ZNF521: variants seen among roughly 807,000 people sequenced by gnomAD.
ZNF521 encodes zinc finger protein 521.
Under a neutral mutation model 105.5 loss-of-function variants are expected in ZNF521, and 14 were observed. The ratio of observed to expected loss-of-function variants is 0.13; its 90% CI spans 0.09 to 0.21. The LOEUF (loss-of-function observed/expected upper bound fraction) is 0.21. Ranked by LOEUF, ZNF521 falls within the 10% of genes least tolerant of loss-of-function variation. The pLI, the probability that ZNF521 is intolerant of heterozygous loss-of-function variation, is 1.00. For synonymous variants in ZNF521, 635 were observed against 606.0 expected, an observed-to-expected ratio of 1.05 and a Z score of -0.70; for missense variants, 1,233 against 1,629.7, an observed-to-expected ratio of 0.76 and a Z score of 4.19.
At position 25,226,685 on chromosome 18, in the gene ZNF521, G is replaced by T. The variant is rs570875850; in HGVS notation, c.1233C>A (p.Asn411Lys). The T allele has an allele frequency of 1.9e-4, 306 of 1,614,060 alleles. No individual in the cohort carries two copies. The highest frequency in any genetic ancestry group is 2.5e-4 in the Non-Finnish European group (293 of 1,180,034). ...AKVTYSCIYC[N>K]KQLFSSLAVL... Reference sequence around the variant, plus strand: ...CTGCAAGACTTGAAAATAATTGTTTGTTGCAGTAAATACAGCTGTAGGTAA... The same window carrying T: ...CTGCAAGACTTGAAAATAATTGTTTTTTGCAGTAAATACAGCTGTAGGTAA... The change falls in exon 4 of 8, where the codon AAC (asparagine) becomes AAA (lysine). Residue 411 changes from asparagine (N) to lysine (K), a missense_variant. Asn to Lys is a moderately conservative substitution (Grantham distance 94, BLOSUM62 0). Coordinates refer to ENST00000361524, the MANE Select transcript of ZNF521 (RefSeq NM_015461.3). This position sits in a 1 kb window ranked among gnomAD's most constrained non-coding sequence, Gnocchi z 4.1.
rs1018977321 is a variant in ZNF521 at position 25,182,717 on chromosome 18, TG to T, written c.3658+12442del. 2.0e-5 allele frequency among the ~76,000 whole-genome samples: 3 copies of T among 152,190 alleles called. No individual in the cohort carries two copies. The East Asian group carries it at 5.8e-4, about 29-fold the overall frequency. On this transcript the variant is annotated intron_variant, in intron 5 of 7. Transcript: ENST00000361524. ...CAAGCCGTGTTTTACAGATGAGATG[TG>T]TCTCTGTGCAGTTTGAATGAATACT...
chr18:25,316,847 C>CTT (rs200212987), intron 3 of ZNF521, among the ~76,000 whole-genome samples: 151 of 126,988 alleles, frequency 1.2e-3, no homozygotes, highest in Non-Finnish European at 1.4e-3. Context: ...GCAAGTAAGA[C>CTT]TTTTTTTTTT....
At chr18:25,233,011 T>TA (rs1337466423) in intron 3 of ZNF521, among the ~76,000 whole-genome samples, 9 of 152,124 alleles carry the variant, frequency 5.9e-5, no homozygotes, top group African/African-American at 2.2e-4. Context: ...CTGGGGGAGA[T>TA]ACACAGGTGT....
chr18:25,332,514 TAAACA>T (rs1913634894), intron 2 of ZNF521, among the ~76,000 whole-genome samples: 1 of 152,068 alleles, frequency 6.6e-6, no homozygotes, highest in Admixed American at 6.6e-5. Context: ...TTCATCCTGA[TAAACA>T]AAACAAGAAA....
chr18:25,091,831 C>G (rs1488042157), intron 6 of ZNF521, 119 bp downstream of exon 6: 4 of 1,262,854 alleles, frequency 3.2e-6, no homozygotes, highest in Admixed American at 2.9e-5. Context: ...CATCTTCCCC[C>G]CAAATTGAAC....
chr18:25,337,602 G>A (rs1225116263), intron 2 of ZNF521, among the ~76,000 whole-genome samples: 1 of 152,152 alleles, frequency 6.6e-6, no homozygotes, highest in Non-Finnish European at 1.5e-5. Context: ...TTTTTCACAA[G>A]TCGCATTAGT....
intron 3 of ZNF521, among the ~76,000 whole-genome samples, chr18:25,247,767 G>A (rs1347268735): frequency 6.6e-6 from 1 of 152,192 alleles, no homozygotes; most frequent in Non-Finnish European, 1.5e-5. Context: ...AGGAGGGACT[G>A]GATGAAGTCT....
chr18:25,200,917 T>G (rs1432650168), intron 4 of ZNF521: 1 of 152,152 alleles, frequency 6.6e-6, no homozygotes, highest in African/African-American at 2.4e-5. Flanking sequence ...CTTCTAAACA[T>G]GCTTATTTCA....
At chr18:25,289,695 G>A (rs1234259981) in intron 3 of ZNF521, among the ~76,000 whole-genome samples, 2 of 152,134 alleles carry the variant, frequency 1.3e-5, no homozygotes, top group Non-Finnish European at 2.9e-5. Flanking sequence ...AGATTTACTT[G>A]GTCTTTATGA....
At chr18:25,245,895 C>T (rs1907678575) in intron 3 of ZNF521, among the ~76,000 whole-genome samples, 1 of 151,920 alleles carries the variant, frequency 6.6e-6, no homozygotes, top group Non-Finnish European at 1.5e-5. Context: ...GCCTGTTGTC[C>T]CAGCTACTCA....
At chr18:25,347,969 A>G (rs1914536246) in intron 2 of ZNF521, among the ~76,000 whole-genome samples, 1 of 152,238 alleles carries the variant, frequency 6.6e-6, no homozygotes, top group Admixed American at 6.5e-5. Context: ...AGAAGGGCCT[A>G]TTGCATTTTC....
intron 4 of ZNF521, among the ~76,000 whole-genome samples, chr18:25,221,503 C>T (rs1905724558): frequency 3.9e-5 from 6 of 152,118 alleles, no homozygotes; most frequent in Admixed American, 3.9e-4. Context: ...TGTTCTTGAC[C>T]ATACCTATGT....
intron 3 of ZNF521, among the ~76,000 whole-genome samples, chr18:25,246,629 C>T (rs2058234663): frequency 1.3e-5 from 2 of 152,202 alleles, no homozygotes; most frequent in African/African-American, 2.4e-5. Flanking sequence ...CCTCCACCCT[C>T]TCTTAAAGTA....
intron 3 of ZNF521, among the ~76,000 whole-genome samples, chr18:25,319,606 AAAAG>A (rs1341411211): frequency 1.8e-4 from 28 of 152,142 alleles, no homozygotes; most frequent in Non-Finnish European, 3.5e-4. Flanking sequence ...AAAAAAAAAA[AAAAG>A]AAAGAAACAG....
intron 5 of ZNF521, among the ~76,000 whole-genome samples, chr18:25,094,877 AC>A (rs2033821223): frequency 6.6e-6 from 1 of 152,152 alleles, no homozygotes; most frequent in Non-Finnish European, 1.5e-5. Flanking sequence ...AAACATTCTA[AC>A]AACTGGTTAA....
intron 3 of ZNF521, among the ~76,000 whole-genome samples, chr18:25,286,983 C>T (rs570387777): frequency 5.9e-5 from 9 of 152,288 alleles, no homozygotes; most frequent in Non-Finnish European, 1.0e-4. Flanking sequence ...TCAGTGAATA[C>T]TCCAAAAGAA....
At chr18:25,168,006 G>A (rs984772298) in intron 5 of ZNF521, among the ~76,000 whole-genome samples, 5 of 152,118 alleles carry the variant, frequency 3.3e-5, no homozygotes, top group East Asian at 1.9e-4. Flanking sequence ...AACATTATGC[G>A]GTATCTTTTT....
chr18:25,323,116 A>G (rs1913027880), intron 2 of ZNF521, among the ~76,000 whole-genome samples: 1 of 152,000 alleles, frequency 6.6e-6, no homozygotes. Context: ...AGGGGGCTGA[A>G]GAGTATCTCT....
Position 25,270,172 on chromosome 18 carries a change from G to A in ZNF521, c.221-42475C>T, listed in dbSNP as rs71360598. 7.2e-3 allele frequency among the ~76,000 whole-genome samples: 1,096 copies of A among 152,100 alleles called. 18 individuals carry two copies. The highest frequency in any genetic ancestry group is 6.8e-3 in the Middle Eastern group (2 of 294). The stretch of plus-strand genomic sequence containing the variant: ...ATAAACATCTCTATGCAAATAAACT[G>A]GAAAATCTAGAAGAAATGGATAAAT... On this transcript the variant is annotated intron_variant, in intron 3 of 7. Transcript: ENST00000361524.
Sources: allele counts gnomAD v4.1 joint callset (sites outside exome capture counted in the v4.1 genomes callset), GRCh38; gene constraint gnomAD v4.1.1; non-coding constraint Gnocchi (gnomAD v3.1); transcripts MANE v1.5; gene names NCBI Gene and HGNC (gene_info 2026-07-23, HGNC 2026-07-21).